The following SOX5 variants were observed in gnomAD, a reference collection of about 807,000 sequenced individuals.
The protein encoded by SOX5 is transcription factor SOX-5.
In SOX5, 9 loss-of-function variants were observed where a neutral mutation model predicts 92.0. The ratio of observed to expected loss-of-function variants is 0.10; its 90% confidence interval spans 0.06 to 0.17. The LOEUF (loss-of-function observed/expected upper bound fraction) is 0.17. Among genes scored for constraint, SOX5 ranks in the 10% least tolerant of loss-of-function variants. The pLI, the probability that SOX5 is intolerant of heterozygous loss-of-function variation, is 1.00. For synonymous variants in SOX5, 344 were observed against 336.3 expected, an observed-to-expected ratio of 1.02 and a Z score of -0.25; for missense variants, 642 against 944.5, an observed-to-expected ratio of 0.68 and a Z score of 4.20.
upstream of SOX5, chr12:23,949,754 CT>C: frequency 1.3e-6 from 1 of 794,790 alleles, no homozygotes; most frequent in South Asian, 1.7e-5. Context: ...CTCTCTCTCC[CT>C]CTCTCTCTCT....
chr12:24,354,545 C>A (rs1214652721), intron 2 of SOX5, among the ~76,000 whole-genome samples: 2 of 152,222 alleles, frequency 1.3e-5, no homozygotes, highest in African/African-American at 4.8e-5. Flanking sequence ...AGCAGAGCAG[C>A]TGCTTGGAAA....
chr12:23,781,180 A>G (rs2095271149), intron 3 of SOX5, among the ~76,000 whole-genome samples: 3 of 152,046 alleles, frequency 2.0e-5, no homozygotes. Flanking sequence ...TTCTTACCTA[A>G]GGAAGCAAAA....
At chr12:23,911,739 A>G (rs956421147) in intron 1 of SOX5, among the ~76,000 whole-genome samples, 2 of 152,122 alleles carry the variant, frequency 1.3e-5, no homozygotes, top group African/African-American at 4.8e-5. Flanking sequence ...ATGCATTGAT[A>G]TGTAACAGTG....
At chr12:24,403,336 G>A (rs962951258) in intron 1 of SOX5, among the ~76,000 whole-genome samples, 1 of 152,100 alleles carries the variant, frequency 6.6e-6, no homozygotes, top group East Asian at 1.9e-4. Flanking sequence ...TGTTTCCCCT[G>A]ATAAATCAAA....
At chr12:23,572,279 T>C (rs1948488180) in intron 10 of SOX5, among the ~76,000 whole-genome samples, 1 of 152,220 alleles carries the variant, frequency 6.6e-6, no homozygotes, top group Non-Finnish European at 1.5e-5. Flanking sequence ...TTAATTCTTC[T>C]TTCAGGAGTG....
In SOX5 at chr12:24,067,200, C is replaced by G. The variant is rs569599078; in HGVS notation, c.-2+146143G>C. Among the ~76,000 whole-genome samples the G allele has an allele frequency of 2.6e-5, 4 of 152,178 alleles. No individual in the cohort carries two copies. The South Asian group carries it at 8.3e-4, about 32-fold the overall frequency. The stretch of plus-strand genomic sequence containing the variant: ...AATGCCAGTGGAGGCTAAGCAGAAG[C>G]CAGGGTGTGTTTTTATTTTATGTCT... On this transcript the variant is annotated intron_variant, in intron 4 of 4. Coordinates refer to the SOX5 transcript ENST00000446891.
intron 3 of SOX5, among the ~76,000 whole-genome samples, chr12:23,802,301 C>T (rs1297264952): frequency 2.0e-5 from 3 of 151,950 alleles, no homozygotes; most frequent in South Asian, 4.1e-4. Flanking sequence ...AGGATGGTCT[C>T]GATCTCCTGA....
At chr12:24,222,164 C>G (rs2728852) in intron 3 of SOX5, among the ~76,000 whole-genome samples, 9 of 152,012 alleles carry the variant, frequency 5.9e-5, no homozygotes, top group African/African-American at 2.2e-4. Context: ...TTTTCCCCCC[C>G]ACCACCAAGC....
intron 3 of SOX5, among the ~76,000 whole-genome samples, chr12:23,794,970 T>C (rs2095537534): frequency 6.6e-6 from 1 of 152,134 alleles, no homozygotes; most frequent in Non-Finnish European, 1.5e-5. Context: ...ATTTAATAAA[T>C]TTATTTCTAA....
intron 7 of SOX5, among the ~76,000 whole-genome samples, chr12:23,649,894 A>C (rs1213122903): frequency 6.6e-6 from 1 of 152,068 alleles, no homozygotes; most frequent in East Asian, 1.9e-4. Context: ...TGGTTTTAAC[A>C]AGACTCAACA....
chr12:23,537,991 T>C (rs1402063795), intron 13 of SOX5, among the ~76,000 whole-genome samples: 2 of 151,914 alleles, frequency 1.3e-5, no homozygotes, highest in Non-Finnish European at 2.9e-5. Flanking sequence ...GCAGATGAAG[T>C]GTGTTTATCT....
chr12:24,251,343 A>C (rs1247208065), intron 3 of SOX5, among the ~76,000 whole-genome samples: 1 of 152,198 alleles, frequency 6.6e-6, no homozygotes, highest in East Asian at 1.9e-4. Context: ...TTTACTGATA[A>C]GATTCAGCAT....
At chr12:24,494,901 A>T (rs982612583) in intron 1 of SOX5, among the ~76,000 whole-genome samples, 1 of 152,220 alleles carries the variant, frequency 6.6e-6, no homozygotes, top group Non-Finnish European at 1.5e-5. Context: ...CGCAAAATAT[A>T]GACAACTGGG....
At chr12:24,386,454 C>T (rs553308860) in intron 1 of SOX5, among the ~76,000 whole-genome samples, 1 of 152,102 alleles carries the variant, frequency 6.6e-6, no homozygotes, top group South Asian at 2.1e-4. Flanking sequence ...CTATGTTATT[C>T]ATAAATATTT....
At chr12:23,645,937 T>C (rs1042547191) in intron 7 of SOX5, among the ~76,000 whole-genome samples, 19 of 152,220 alleles carry the variant, frequency 1.2e-4, no homozygotes, top group Non-Finnish European at 8.8e-5. Context: ...TCACAGTACA[T>C]ATAAGTCGTG....
Position 23,530,709 on chromosome 12 carries a change from A to G in SOX5, c.*3510T>C, listed in dbSNP as rs1938786491. Reference sequence around the variant, plus strand: ...TCTCCGGTAATGTTCTCTTAGATTCATATGAAAACAGGACTATTTTTAGAG... The same window carrying G: ...TCTCCGGTAATGTTCTCTTAGATTCGTATGAAAACAGGACTATTTTTAGAG... On this transcript the variant is annotated 3_prime_UTR_variant, in exon 15 of 15. Coordinates refer to ENST00000451604, the MANE Select transcript of SOX5 (RefSeq NM_006940.6). The G allele has an allele frequency of 6.6e-6, 1 of 152,154 alleles. No homozygotes were observed. Among genetic ancestry groups the G allele is most frequent in the African/African-American group, 2.4e-5 (1 of 41,454 alleles). The allele number at this position is 152,154 out of a possible 1,614,324, so 9.4% of individuals were successfully genotyped here.
intron 2 of SOX5, among the ~76,000 whole-genome samples, chr12:24,337,622 G>A (rs1790167723): frequency 6.6e-6 from 1 of 152,106 alleles, no homozygotes; most frequent in Non-Finnish European, 1.5e-5. Flanking sequence ...TTACAAGCAT[G>A]AGTCACCACA....
At chr12:23,887,930 T>TGTGTGC (rs2097088634) in intron 2 of SOX5, among the ~76,000 whole-genome samples, 1 of 151,778 alleles carries the variant, frequency 6.6e-6, no homozygotes, top group African/African-American at 2.4e-5. Flanking sequence ...TGTGTGTGTG[T>TGTGTGC]GTGTGTGTGT....
At chr12:24,473,548 T>G (rs1436549752) in intron 1 of SOX5, among the ~76,000 whole-genome samples, 1 of 152,256 alleles carries the variant, frequency 6.6e-6, no homozygotes, top group African/African-American at 2.4e-5. Context: ...AATTTAAATA[T>G]TTGAATCTGT....
Sources: allele counts gnomAD v4.1 joint callset (sites outside exome capture counted in the v4.1 genomes callset), GRCh38; gene constraint gnomAD v4.1.1; transcripts MANE v1.5; gene names NCBI Gene and HGNC (gene_info 2026-07-23, HGNC 2026-07-21).